The following TSGA10 variants were observed in gnomAD, a reference collection of about 807,000 sequenced individuals.
The protein encoded by TSGA10 is testis-specific gene 10 protein.
TSGA10 carries 43 observed loss-of-function variants against 96.6 expected under a neutral mutation model. That is an observed-to-expected ratio of 0.44 (90% CI 0.35 to 0.57). The LOEUF (loss-of-function observed/expected upper bound fraction) is 0.57, where lower values mean the gene tolerates loss of function less well. Among genes scored for constraint, TSGA10 ranks in the 20% least tolerant of loss-of-function variants. The pLI is 0.01. For synonymous variants in TSGA10, 229 were observed against 269.9 expected, an observed-to-expected ratio of 0.85 and a Z score of 1.48; for missense variants, 703 against 834.4, an observed-to-expected ratio of 0.84 and a Z score of 1.94.
chr2:99,122,796 A>G lies in TSGA10; in HGVS notation c.-491-4110T>C, dbSNP rs551569035. 2.6e-5 allele frequency among the ~76,000 whole-genome samples: 4 copies of G among 151,932 alleles called. No individual in the cohort carries two copies. The South Asian group carries it at 8.3e-4, about 32-fold the overall frequency. ...ACAGAGCAAGACCCTGTCTCCAAAA[A>G]AAAAAAAGAAAGAAAGAAATTCTGT... On this transcript the variant is annotated intron_variant, in intron 2 of 20. Coordinates refer to ENST00000393483, the MANE Select transcript of TSGA10 (RefSeq NM_025244.4).
chr2:99,097,138 G>A (rs1429227879), intron 10 of TSGA10, among the ~76,000 whole-genome samples: 1 of 152,108 alleles, frequency 6.6e-6, no homozygotes, highest in Non-Finnish European at 1.5e-5. Context: ...CTTTTTTAAA[G>A]TATGGTTACA....
chr2:99,018,455 C>G (rs981231874), intron 19 of TSGA10, 81 bp downstream of exon 19: 1 of 1,567,344 alleles, frequency 6.4e-7, no homozygotes, highest in African/African-American at 1.4e-5. Flanking sequence ...CATGAAAGAA[C>G]TAAAACCTCT....
intron 17 of TSGA10, among the ~76,000 whole-genome samples, chr2:99,034,574 A>G (rs1390569653): frequency 6.6e-6 from 1 of 152,080 alleles, no homozygotes; most frequent in Non-Finnish European, 1.5e-5. Context: ...GCCATTACAA[A>G]GTACTTATTA....
At chr2:99,055,240 A>C (rs2083839797) in intron 16 of TSGA10, among the ~76,000 whole-genome samples, 2 of 152,160 alleles carry the variant, frequency 1.3e-5, no homozygotes, top group Non-Finnish European at 2.9e-5. Context: ...CATTATGCTA[A>C]GTGAGATAAG....
chr2:99,031,065 A>T (rs1191518449), intron 17 of TSGA10, among the ~76,000 whole-genome samples: 1 of 152,062 alleles, frequency 6.6e-6, no homozygotes, highest in African/African-American at 2.4e-5. Context: ...AATAAAGCAG[A>T]TGAACCTAAA....
intron 20 of TSGA10, among the ~76,000 whole-genome samples, chr2:99,013,797 CT>C (rs1304139877): frequency 6.6e-6 from 1 of 151,910 alleles, no homozygotes; most frequent in Non-Finnish European, 1.5e-5. Flanking sequence ...AGGCGGATCA[CT>C]TGAGGTCAGG....
At chr2:99,038,367 T>C (rs538790712) in intron 16 of TSGA10, among the ~76,000 whole-genome samples, 1 of 152,250 alleles carries the variant, frequency 6.6e-6, no homozygotes, top group African/African-American at 2.4e-5. Context: ...AATGGCAGAA[T>C]TGATAAGAAT....
At chr2:99,089,457 C>T (rs959703225) in intron 10 of TSGA10, among the ~76,000 whole-genome samples, 2 of 152,148 alleles carry the variant, frequency 1.3e-5, no homozygotes, top group African/African-American at 4.8e-5. Context: ...AGGGGTGGCA[C>T]AAAACCTGAA....
chr2:99,093,377 C>T (rs1298973483), intron 10 of TSGA10, among the ~76,000 whole-genome samples: 1 of 152,134 alleles, frequency 6.6e-6, no homozygotes, highest in African/African-American at 2.4e-5. Context: ...CACTTCTATT[C>T]AACATAGTAC....
At chr2:99,001,946 A>G (rs1320272520) in intron 20 of TSGA10, among the ~76,000 whole-genome samples, 3 of 152,204 alleles carry the variant, frequency 2.0e-5, no homozygotes, top group African/African-American at 7.2e-5. Context: ...AAAAAGAATA[A>G]AAAGAAACGA....
Position 99,081,344 on chromosome 2 carries a change from G to C in TSGA10, c.665C>G (p.Ala222Gly), listed in dbSNP as rs1402684807. 1.9e-6 allele frequency: 3 copies of C among 1,596,006 alleles called. No homozygotes were observed. The South Asian group carries it at 3.5e-5, about 18-fold the overall frequency. Residue 222 changes from alanine to glycine, a missense_variant, in exon 11 of 21, where the codon GCT (alanine) becomes GGT (glycine). Transcript: ENST00000393483. Reference protein sequence around the residue: ...KDLSDTQRHLAKKKYELQLTQ... With the variant: ...KDLSDTQRHLGKKKYELQLTQ... ...AAGCTGTAGCTCATATTTTTTCTTA[G>C]CAAGGTGTCGCTGAGTATCAGAAAG...
chr2:99,132,341 G>A (rs1323865749), intron 1 of TSGA10, among the ~76,000 whole-genome samples: 1 of 151,530 alleles, frequency 6.6e-6, no homozygotes, highest in African/African-American at 2.4e-5. Flanking sequence ...ACTTCTTCCT[G>A]GTTTAGTCCT....
At chr2:99,078,852 T>A in intron 11 of TSGA10, 39 bp from the exon 12 acceptor site, 1 of 1,541,394 alleles carries the variant, frequency 6.5e-7, no homozygotes, top group Non-Finnish European at 8.7e-7. Flanking sequence ...TTAATCAAAA[T>A]AAAATCTTTT....
chr2:99,038,540 A>T (rs28794804), intron 16 of TSGA10, among the ~76,000 whole-genome samples: 8,229 of 152,218 alleles, frequency 0.054, 419 homozygotes, highest in East Asian at 0.21. Flanking sequence ...TTAAAGCAAC[A>T]ACAGTTAAAA....
At position 99,141,152 on chromosome 2, in the gene TSGA10, C is replaced by A. The variant is rs763233962; in HGVS notation, c.-621+13541G>T. 249 of 1,269,988 alleles carry A rather than the reference C, an allele frequency of 2.0e-4. 1 individual carries two copies. Among genetic ancestry groups the A allele is most frequent in the Non-Finnish European group, 2.3e-4 (227 of 980,470 alleles). 78.7% of individuals were successfully genotyped at this position (1,269,988 alleles called of 1,614,324 possible). A position where few individuals can be genotyped will look rare whatever the true frequency, so the allele number is the denominator to read the frequency against. On this transcript the variant is annotated intron_variant, in intron 1 of 20. Transcript: ENST00000393483. ...GCCCAGAGCTCATCCCCGCGACTGTCAGCTCTCGGCCTCAGCGGGGGATAC... is the reference window on the plus strand; with the variant it reads ...GCCCAGAGCTCATCCCCGCGACTGTAAGCTCTCGGCCTCAGCGGGGGATAC...
At chr2:99,115,966 T>C (rs918069509) in intron 4 of TSGA10, among the ~76,000 whole-genome samples, 1 of 152,194 alleles carries the variant, frequency 6.6e-6, no homozygotes, top group African/African-American at 2.4e-5. Flanking sequence ...TGCATAAAAA[T>C]ACATACAATC....
chr2:99,111,901 T>C (rs1401904892), intron 4 of TSGA10, among the ~76,000 whole-genome samples: 5 of 152,094 alleles, frequency 3.3e-5, no homozygotes, highest in African/African-American at 4.8e-5. Context: ...GTATGACACA[T>C]TCTCATAAAA....
intron 4 of TSGA10, among the ~76,000 whole-genome samples, chr2:99,115,790 A>C (rs2092215976): frequency 6.6e-6 from 1 of 152,074 alleles, no homozygotes; most frequent in African/African-American, 2.4e-5. Context: ...TGAGGCAGGA[A>C]ATCACTTGAA....
At chr2:99,072,853 C>A (rs533565012) in intron 13 of TSGA10, among the ~76,000 whole-genome samples, 165 bp downstream of exon 13, 1 of 152,236 alleles carries the variant, frequency 6.6e-6, no homozygotes, top group South Asian at 2.1e-4. Context: ...ACTTGGCAAA[C>A]ACCATCCCCT....
Sources: gnomAD v4.1 joint callset for allele counts (sites outside exome capture counted in the v4.1 genomes callset) on GRCh38, gnomAD v4.1.1 for gene constraint, MANE v1.5 for transcripts, NCBI Gene and HGNC (gene_info 2026-07-23, HGNC 2026-07-21) for gene names.